CHRM3: variants seen among roughly 807,000 people sequenced by gnomAD.
CHRM3 encodes the protein cholinergic receptor muscarinic 3, also known as muscarinic acetylcholine receptor M3.
A neutral mutation model predicts 41.8 loss-of-function variants in CHRM3; 11 were observed. The observed-to-expected ratio is 0.26, with a 90% CI of 0.17 to 0.44. The LOEUF (loss-of-function observed/expected upper bound fraction) is 0.44. Among genes scored for constraint, CHRM3 ranks in the 20% least tolerant of loss-of-function variants. The pLI is 1.00. For synonymous variants in CHRM3, 297 were observed against 301.4 expected, an observed-to-expected ratio of 0.99 and a Z score of 0.15; for missense variants, 571 against 745.4, an observed-to-expected ratio of 0.77 and a Z score of 2.72.
intron 4 of CHRM3, among the ~76,000 whole-genome samples, chr1:239,653,174 C>T (rs1468116126): frequency 5.9e-5 from 9 of 152,064 alleles, no homozygotes; most frequent in African/African-American, 1.4e-4. Flanking sequence ...GCCAAGGAGC[C>T]GCCTGGAGTC....
intron 4 of CHRM3, among the ~76,000 whole-genome samples, chr1:239,661,650 G>A (rs1268520794): frequency 6.6e-6 from 1 of 152,180 alleles, no homozygotes; most frequent in Non-Finnish European, 1.5e-5. Flanking sequence ...GTTGCCAAGA[G>A]TTAGCGTAGA....
intron 3 of CHRM3, among the ~76,000 whole-genome samples, chr1:239,621,596 T>C (rs949957917): frequency 1.3e-5 from 2 of 152,170 alleles, no homozygotes; most frequent in African/African-American, 4.8e-5. Context: ...AGGAGAAAGT[T>C]TGAGTGTCCT....
At chr1:239,484,832 C>T (rs1667085712) in intron 1 of CHRM3, among the ~76,000 whole-genome samples, 2 of 152,124 alleles carry the variant, frequency 1.3e-5, no homozygotes, top group South Asian at 4.1e-4. Flanking sequence ...CATCTTCTAT[C>T]CTTGGGCAGC....
intron 5 of CHRM3, among the ~76,000 whole-genome samples, chr1:239,709,401 A>T (rs1053162010): frequency 6.6e-6 from 1 of 152,130 alleles, no homozygotes. Context: ...CACTCATTGT[A>T]CCCACCTACC....
rs1558190026 is a variant in CHRM3, at chr1:239,864,557, CACAT to C, written c.-20+37181_-20+37184del. On this transcript the variant is annotated intron_variant, in intron 6 of 6. Transcript: ENST00000676153. ...ACACACACACACACGCACACACACA[CACAT>C]ATACATATATACATATATATGTATG... Among the ~76,000 whole-genome samples the C allele has an allele frequency of 4.6e-3, 652 of 143,134 alleles. 6 individuals carry two copies. Among genetic ancestry groups the C allele is most frequent in the African/African-American group, 0.019 (635 of 33,182 alleles). The allele number at this position is 143,134 out of a possible 152,430, so 93.9% of individuals were successfully genotyped here. A position where few individuals can be genotyped will look rare whatever the true frequency, so the allele number is the denominator to read the frequency against.
At chr1:239,724,629 G>A (rs1312730981) in intron 5 of CHRM3, among the ~76,000 whole-genome samples, 2 of 152,002 alleles carry the variant, frequency 1.3e-5, no homozygotes, top group Middle Eastern at 3.4e-3. Flanking sequence ...GTGAGAATAA[G>A]ATAATGTTTA....
chr1:239,436,992 C>T (rs1156963449), intron 1 of CHRM3, among the ~76,000 whole-genome samples: 1 of 152,092 alleles, frequency 6.6e-6, no homozygotes, highest in East Asian at 1.9e-4. Context: ...CTCACCAGAC[C>T]ACACTGTATC....
intron 5 of CHRM3, among the ~76,000 whole-genome samples, chr1:239,779,719 A>G (rs1668370608): frequency 6.6e-6 from 1 of 152,216 alleles, no homozygotes; most frequent in Non-Finnish European, 1.5e-5. Flanking sequence ...TTGGCAACAG[A>G]GCAAGACACT....
chr1:239,430,733 A>G lies in CHRM3; in HGVS notation c.-521+43506A>G, dbSNP rs143366515. Among the ~76,000 whole-genome samples, 787 of 151,782 alleles carry G rather than the reference A, an allele frequency of 5.2e-3. 6 individuals carry two copies. Among genetic ancestry groups the G allele is most frequent in the Middle Eastern group, 0.031 (9 of 292 alleles). On this transcript the variant is annotated intron_variant, in intron 1 of 6. Coordinates refer to ENST00000676153, the MANE Select transcript of CHRM3 (RefSeq NM_001375978.1). The stretch of plus-strand genomic sequence containing the variant: ...CACATATGTATGCACACATCAAGAT[A>G]TCTACTCCCCATATATATCAAGAGT...
At chr1:239,547,163 T>C (rs1659377446) in intron 3 of CHRM3, among the ~76,000 whole-genome samples, 1 of 152,182 alleles carries the variant, frequency 6.6e-6, no homozygotes, top group Non-Finnish European at 1.5e-5. Context: ...ACGAAAATCT[T>C]AATAACAGGT....
At chr1:239,766,871 C>G (rs961112740) in intron 5 of CHRM3, among the ~76,000 whole-genome samples, 8 of 152,060 alleles carry the variant, frequency 5.3e-5, no homozygotes, top group African/African-American at 1.9e-4. Flanking sequence ...GCCACCATGC[C>G]TGGCTAATTT....
At chr1:239,407,417 T>TATATATATATAGAGAGAGAGAGAGAGAG in intron 1 of CHRM3, among the ~76,000 whole-genome samples, 1 of 134,124 alleles carries the variant, frequency 7.5e-6, no homozygotes, top group Non-Finnish European at 1.7e-5. Flanking sequence ...TATATATATA[T>TATATATATATAGAGAGAGAGAGAGAGAG]AGAGAGAGAG....
intron 3 of CHRM3, among the ~76,000 whole-genome samples, chr1:239,590,942 T>C (rs1020319940): frequency 1.3e-5 from 2 of 152,188 alleles, no homozygotes; most frequent in Non-Finnish European, 2.9e-5. Flanking sequence ...AGGATATGGC[T>C]GTTAAAAACC....
intron 3 of CHRM3, among the ~76,000 whole-genome samples, chr1:239,615,942 T>C (rs1379304035): frequency 2.0e-5 from 3 of 152,194 alleles, no homozygotes; most frequent in Non-Finnish European, 2.9e-5. Context: ...CTCAGCGCCT[T>C]CCTTCTACTT....
At chr1:239,901,272 C>A (rs2103014460) in intron 6 of CHRM3, among the ~76,000 whole-genome samples, 1 of 152,196 alleles carries the variant, frequency 6.6e-6, no homozygotes, top group East Asian at 1.9e-4. Context: ...GCAACCATCA[C>A]CAATATCTGC....
At chr1:239,825,514 A>C (rs1672385179) in intron 5 of CHRM3, among the ~76,000 whole-genome samples, 1 of 152,106 alleles carries the variant, frequency 6.6e-6, no homozygotes, top group African/African-American at 2.4e-5. Flanking sequence ...TATGTATGTT[A>C]TTGTCATTCT....
At chr1:239,813,529 C>T (rs558696565) in intron 5 of CHRM3, among the ~76,000 whole-genome samples, 70 of 152,162 alleles carry the variant, frequency 4.6e-4, no homozygotes, top group African/African-American at 1.6e-3. Flanking sequence ...TTCTCAGCTG[C>T]CTCAGCAAAT....
intron 3 of CHRM3, among the ~76,000 whole-genome samples, chr1:239,554,824 T>C (rs1229463647): frequency 6.7e-6 from 1 of 150,346 alleles, no homozygotes; most frequent in Non-Finnish European, 1.5e-5. Flanking sequence ...CCACCTACCA[T>C]GTTCAAGCAA....
chr1:239,723,278 A>G (rs1663141644), intron 5 of CHRM3, among the ~76,000 whole-genome samples: 1 of 151,972 alleles, frequency 6.6e-6, no homozygotes, highest in African/African-American at 2.4e-5. Flanking sequence ...TTCTATAGGT[A>G]TTCTAAGGAT....
Sources: gnomAD v4.1 joint callset for allele counts (sites outside exome capture counted in the v4.1 genomes callset) on GRCh38, gnomAD v4.1.1 for gene constraint, MANE v1.5 for transcripts, NCBI Gene and HGNC (gene_info 2026-07-23, HGNC 2026-07-21) for gene names.